NIBAN1: variants seen among roughly 807,000 people sequenced by gnomAD.
The protein encoded by NIBAN1 is niban apoptosis regulator 1.
In NIBAN1, 81 loss-of-function variants were observed where a neutral mutation model predicts 75.1. That is an observed-to-expected ratio of 1.08 (90% CI 0.90 to 1.30). The LOEUF (loss-of-function observed/expected upper bound fraction) is 1.30, where lower values mean the gene tolerates loss of function less well. Among genes scored for constraint, NIBAN1 ranks in the 50% most tolerant of loss-of-function variants. NIBAN1 has a pLI of 0.00. For synonymous variants in NIBAN1, 436 were observed against 424.8 expected (o/e 1.03, Z -0.32); for missense variants, 1,133 against 1,128.1 (o/e 1.00, Z -0.06).
At chr1:184,871,368 A>AAAAAAAAAG (rs1553222993) in intron 5 of NIBAN1, among the ~76,000 whole-genome samples, 1 of 121,794 alleles carries the variant, frequency 8.2e-6, no homozygotes, top group Non-Finnish European at 1.7e-5. Flanking sequence ...AAAAAAAAAA[A>AAAAAAAAAG]AAAAAGAGGA....
At chr1:184,926,117 G>A (rs1657675291) in intron 1 of NIBAN1, among the ~76,000 whole-genome samples, 1 of 152,080 alleles carries the variant, frequency 6.6e-6, no homozygotes, top group Admixed American at 6.5e-5. Context: ...TAGGATACAA[G>A]GTATTTTTTT....
At chr1:184,973,755 A>T (rs1658995880) in intron 1 of NIBAN1, among the ~76,000 whole-genome samples, 1 of 152,178 alleles carries the variant, frequency 6.6e-6, no homozygotes, top group Non-Finnish European at 1.5e-5. Context: ...GCGGGAAGGG[A>T]ACGGCATGAC....
At position 184,884,773 on chromosome 1, in the gene NIBAN1, G is replaced by A. The variant is rs1571546185; in HGVS notation, c.461C>T (p.Pro154Leu). Residue 154 changes from proline to leucine, a missense_variant, in exon 5 of 14, where the codon CCC (proline) becomes CTC (leucine). By Grantham distance (98) the Pro-to-Leu change is moderately conservative. Transcript: ENST00000367511. ...LASSEKENTQ[P>L]FVVLPKEFPV... ...GAATTCCTTGGGCAGGACCACAAAGGGCTGAGTGTTCTCCTTCTCACTGGA... is the reference window on the plus strand; with the variant it reads ...GAATTCCTTGGGCAGGACCACAAAGAGCTGAGTGTTCTCCTTCTCACTGGA... 6.2e-7 allele frequency: 1 copy of A among 1,614,158 alleles called. No homozygotes were observed. The highest frequency in any genetic ancestry group is 8.5e-7 in the Non-Finnish European group (1 of 1,180,004).
chr1:184,909,136 C>A (rs1319705833), intron 1 of NIBAN1, among the ~76,000 whole-genome samples: 1 of 152,084 alleles, frequency 6.6e-6, no homozygotes, highest in South Asian at 2.1e-4. Flanking sequence ...TGAAAATATT[C>A]TTTGCTTAAA....
At position 184,793,017 on chromosome 1, in the gene NIBAN1, C is replaced by T. The variant is rs1347906708; in HGVS notation, c.*1960G>A. 6.6e-6 allele frequency: 1 copy of T among 152,130 alleles called. No individual in the cohort carries two copies. Among genetic ancestry groups the T allele is most frequent in the Non-Finnish European group, 1.5e-5 (1 of 68,036 alleles). The allele number at this position is 152,130 out of a possible 1,614,324, so 9.4% of individuals were successfully genotyped here. On this transcript the variant is annotated 3_prime_UTR_variant, in exon 14 of 14. Coordinates refer to ENST00000367511, the MANE Select transcript of NIBAN1 (RefSeq NM_052966.4). ...TTCCTTCACCTGTGGTGGGATCCCT[C>T]AAAGACATGAGGATTTAAACACGCC...
At position 184,795,822 on chromosome 1, in the gene NIBAN1, GT is replaced by G; in HGVS notation, c.1941del (p.Pro649GlnfsTer7). 1 of 1,609,726 alleles carries G rather than the reference GT, an allele frequency of 6.2e-7. No individual in the cohort carries two copies. The highest frequency in any genetic ancestry group is 8.5e-7 in the Non-Finnish European group (1 of 1,177,428). ...GESLSLPGPSPPPDGTEQVII... is the reference protein window; with the variant it reads ...GESLSLPGPSXPPDGTEQVII... ...ATCACCTGCTCAGTCCCATCTGGGG[GT>G]GGGCTTGGCCCAGGGAGAGAAAGGC... On this transcript the variant is annotated frameshift_variant, in exon 14 of 14. Coordinates refer to ENST00000367511, the MANE Select transcript of NIBAN1 (RefSeq NM_052966.4). LOFTEE classifies it low-confidence loss of function (END_TRUNC).
At chr1:184,872,662 G>A (rs1279474168) in intron 5 of NIBAN1, among the ~76,000 whole-genome samples, 5 of 151,732 alleles carry the variant, frequency 3.3e-5, no homozygotes, top group Non-Finnish European at 5.9e-5. Flanking sequence ...AGCCAAGATC[G>A]TGCTATTGCA....
intron 5 of NIBAN1, among the ~76,000 whole-genome samples, chr1:184,861,466 A>G (rs143078537): frequency 1.3e-5 from 2 of 151,934 alleles, no homozygotes; most frequent in East Asian, 3.9e-4. Context: ...AAAGGTGCTG[A>G]TAAGTATTTG....
In NIBAN1 at chr1:184,835,669, C is replaced by T. The variant is rs573362921; in HGVS notation, c.602-3707G>A. Among the ~76,000 whole-genome samples, 83 of 152,308 alleles carry T rather than the reference C, an allele frequency of 5.4e-4. No individual in the cohort carries two copies. The Middle Eastern group carries it at 0.01, about 19-fold the overall frequency. ...TGTCTGTTATTGGTGTATAGGAATGCTTGTGATTTTTGCACATTGATTTTG... is the reference window on the plus strand; with the variant it reads ...TGTCTGTTATTGGTGTATAGGAATGTTTGTGATTTTTGCACATTGATTTTG... On this transcript the variant is annotated intron_variant, in intron 5 of 13. Coordinates refer to ENST00000367511, the MANE Select transcript of NIBAN1 (RefSeq NM_052966.4).
Position 184,794,910 on chromosome 1 carries a change from A to G in NIBAN1, c.*67T>C. On this transcript the variant is annotated 3_prime_UTR_variant, in exon 14 of 14. Transcript: ENST00000367511. ...ATTTTTTGGTAACAGCTTGCATGCAACCCCTAAGTGTACCCCTATAACCCT... is the reference window on the plus strand; with the variant it reads ...ATTTTTTGGTAACAGCTTGCATGCAGCCCCTAAGTGTACCCCTATAACCCT... 1 of 1,596,930 alleles carries G rather than the reference A, an allele frequency of 6.3e-7. No individual in the cohort carries two copies. Among genetic ancestry groups the G allele is most frequent in the Non-Finnish European group, 8.5e-7 (1 of 1,176,966 alleles).
intron 9 of NIBAN1, among the ~76,000 whole-genome samples, chr1:184,810,402 G>A (rs181039601): frequency 6.6e-6 from 1 of 152,342 alleles, no homozygotes; most frequent in Admixed American, 6.5e-5. Context: ...ACCAGGTGAT[G>A]ATGACACTGC....
Position 184,946,844 on chromosome 1 carries a change from C to T in NIBAN1, c.55+27458G>A, listed in dbSNP as rs528105065. Among the ~76,000 whole-genome samples, 39 of 152,088 alleles carry T rather than the reference C, an allele frequency of 2.6e-4. No homozygotes were observed. The South Asian group carries it at 3.1e-3, about 12-fold the overall frequency. ...AATGCATTGTTTCGGGAGGCCAAGGCGGATGGATCACCTGAGGTCGGGAGT... is the reference window on the plus strand; with the variant it reads ...AATGCATTGTTTCGGGAGGCCAAGGTGGATGGATCACCTGAGGTCGGGAGT... On this transcript the variant is annotated intron_variant, in intron 1 of 13. Coordinates refer to ENST00000367511, the MANE Select transcript of NIBAN1 (RefSeq NM_052966.4).
intron 1 of NIBAN1, among the ~76,000 whole-genome samples, chr1:184,960,937 A>G (rs1299835312): frequency 6.6e-6 from 1 of 151,164 alleles, no homozygotes; most frequent in Non-Finnish European, 1.5e-5. Flanking sequence ...GCCAGGCAAC[A>G]AAATATTAAT....
At chr1:184,822,906 T>A (rs1476422927) in intron 8 of NIBAN1, among the ~76,000 whole-genome samples, 1 of 151,580 alleles carries the variant, frequency 6.6e-6, no homozygotes, top group Admixed American at 6.6e-5. Context: ...ACAATGGGGG[T>A]TGGGGGTGCA....
intron 1 of NIBAN1, among the ~76,000 whole-genome samples, chr1:184,929,523 G>T (rs915593713): frequency 2.6e-5 from 4 of 151,472 alleles, no homozygotes; most frequent in Non-Finnish European, 5.9e-5. Context: ...TGAAAGGAAG[G>T]TCTATGCCAC....
At chr1:184,944,570 T>C (rs1317144553) in intron 1 of NIBAN1, among the ~76,000 whole-genome samples, 2 of 152,212 alleles carry the variant, frequency 1.3e-5, no homozygotes, top group African/African-American at 2.4e-5. Context: ...AGGGTTGGAG[T>C]ACATGTCATG....
At chr1:184,926,330 C>T (rs1215385352) in intron 1 of NIBAN1, among the ~76,000 whole-genome samples, 18 of 152,170 alleles carry the variant, frequency 1.2e-4, no homozygotes, top group African/African-American at 3.1e-4. Flanking sequence ...CTCCACCTCC[C>T]GGGTTCAAGT....
chr1:184,806,184 G>A (rs1323564629), intron 10 of NIBAN1, 128 bp from the exon 11 acceptor site: 3 of 661,416 alleles, frequency 4.5e-6, no homozygotes, highest in Non-Finnish European at 7.7e-6. Flanking sequence ...CTATTCGGTG[G>A]GGGTACCCAA....
intron 5 of NIBAN1, among the ~76,000 whole-genome samples, chr1:184,864,661 TA>T (rs902165076): frequency 3.9e-5 from 6 of 152,024 alleles, no homozygotes; most frequent in Non-Finnish European, 7.4e-5. Flanking sequence ...ATAGATGCAT[TA>T]AAAAATAATA....
Sources: allele counts gnomAD v4.1 joint callset (sites outside exome capture counted in the v4.1 genomes callset), GRCh38; gene constraint gnomAD v4.1.1; transcripts MANE v1.5; gene names NCBI Gene and HGNC (gene_info 2026-07-23, HGNC 2026-07-21).